The following TTC3 variants were observed in gnomAD, a reference collection of about 807,000 sequenced individuals.
TTC3 encodes tetratricopeptide repeat domain 3.
TTC3 carries 180 observed loss-of-function variants against 249.6 expected under a neutral mutation model. That is an observed-to-expected ratio of 0.72 (90% CI 0.64 to 0.82). The LOEUF is 0.82. TTC3 is among the 40% of genes least tolerant of loss of function. TTC3 has a pLI of 0.00. For missense variants in TTC3, 2,061 were observed against 2,398.4 expected, an observed-to-expected ratio of 0.86 and a Z score of 2.94; for synonymous variants, 717 against 805.0, an observed-to-expected ratio of 0.89 and a Z score of 1.85.
intron 34 of TTC3, among the ~76,000 whole-genome samples, chr21:37,171,944 A>G (rs7283246): frequency 0.021 from 3,168 of 152,334 alleles, 103 homozygotes; most frequent in African/African-American, 0.073. Context: ...GAGGACAGTT[A>G]CCTGCAGCTG....
At chr21:37,192,177 G>A (rs964388967) in exon 41 of TTC3, 1 of 1,608,904 alleles carries the variant, frequency 6.2e-7, no homozygotes, top group Admixed American at 1.7e-5. Flanking sequence ...TTTCTAAAGT[G>A]CAGATTTCTG....
intron 10 of TTC3, among the ~76,000 whole-genome samples, chr21:37,102,996 A>G (rs2074664683): frequency 6.6e-6 from 1 of 152,156 alleles, no homozygotes; most frequent in African/African-American, 2.4e-5. Flanking sequence ...GACCATGTCT[A>G]AAAAAATAAA....
At chr21:37,154,448 G>A (rs897779264) in intron 27 of TTC3, among the ~76,000 whole-genome samples, 7 of 152,202 alleles carry the variant, frequency 4.6e-5, no homozygotes, top group Admixed American at 6.5e-5. Flanking sequence ...TTGTGATCCC[G>A]GAAAGTTATT....
chr21:37,185,946 A>G (rs560535537), intron 37 of TTC3, 172 bp downstream of exon 37: 8 of 272,044 alleles, frequency 2.9e-5, no homozygotes, highest in African/African-American at 1.3e-4. Context: ...TTATAAATAT[A>G]TTCTTTGAAT....
exon 28 of TTC3, chr21:37,156,731 C>T: frequency 6.2e-7 from 1 of 1,613,998 alleles, no homozygotes; most frequent in Non-Finnish European, 8.5e-7. Context: ...TCATGACTTT[C>T]CTCTGGAATG....
At chr21:37,176,198 T>A (rs541061441) in intron 35 of TTC3, among the ~76,000 whole-genome samples, 1 of 152,368 alleles carries the variant, frequency 6.6e-6, no homozygotes, top group Admixed American at 6.5e-5. Context: ...AGGTTCATTT[T>A]TGTTTGAGAA....
rs546266463 is a variant in TTC3 at position 37,116,005 on chromosome 21, C to A, written c.901-5812C>A. On this transcript the variant is annotated intron_variant, in intron 11 of 45. Transcript: ENST00000355666. ...TCTTAGGACTTACCATTATCTAATA[C>A]ATTATATCTACTGTTTGAGTTATAG... 1.5e-3 allele frequency among the ~76,000 whole-genome samples: 223 copies of A among 152,280 alleles called. 2 individuals are homozygous for A. Among genetic ancestry groups the A allele is most frequent in the African/African-American group, 4.9e-3 (204 of 41,556 alleles).
chr21:37,198,118 T>G, intron 44 of TTC3, 93 bp downstream of exon 44: 1 of 1,393,100 alleles, frequency 7.2e-7, no homozygotes, highest in Non-Finnish European at 9.5e-7. Flanking sequence ...TTTCTAGACC[T>G]AATTTATTTG....
At chr21:37,124,646 A>G (rs778256300) in exon 14 of TTC3, 16 of 1,612,454 alleles carry the variant, frequency 9.9e-6, no homozygotes, top group Middle Eastern at 1.9e-4. Context: ...GTTTATCAGC[A>G]CCTATATTTA....
At chr21:37,166,467 A>T in exon 33 of TTC3, 1 of 1,614,214 alleles carries the variant, frequency 6.2e-7, no homozygotes, top group South Asian at 1.1e-5. Flanking sequence ...GTAAAGTCAC[A>T]CTGCAGCACA....
At chr21:37,092,803 AT>A (rs893108171) in intron 7 of TTC3, among the ~76,000 whole-genome samples, 3 of 151,712 alleles carry the variant, frequency 2.0e-5, no homozygotes, top group Admixed American at 6.6e-5. Context: ...GTTGCAATAA[AT>A]TTTTTTTTGC....
intron 19 of TTC3, among the ~76,000 whole-genome samples, chr21:37,140,333 G>T (rs997879271): frequency 1.3e-5 from 2 of 152,176 alleles, no homozygotes; most frequent in East Asian, 1.9e-4. Flanking sequence ...TAGGTTGATT[G>T]TCTGATGTGT....
intron 35 of TTC3, among the ~76,000 whole-genome samples, chr21:37,176,507 G>A (rs938197088): frequency 2.0e-5 from 3 of 152,142 alleles, no homozygotes; most frequent in African/African-American, 7.2e-5. Flanking sequence ...TTGGACCTTT[G>A]TCTGTATTAG....
At chr21:37,152,379 G>GTTTTTTTTT (rs5843795) in intron 26 of TTC3, among the ~76,000 whole-genome samples, 1 of 139,298 alleles carries the variant, frequency 7.2e-6, no homozygotes. Context: ...GAACTAAGTT[G>GTTTTTTTTT]TTTTTTTTTT....
At chr21:37,117,419 T>G (rs1278739587) in intron 11 of TTC3, among the ~76,000 whole-genome samples, 1 of 152,174 alleles carries the variant, frequency 6.6e-6, no homozygotes, top group Non-Finnish European at 1.5e-5. Context: ...ATTCTTTTGC[T>G]TGAAACAAAA....
intron 36 of TTC3, among the ~76,000 whole-genome samples, chr21:37,183,892 G>A (rs1390575760): frequency 6.6e-6 from 1 of 152,160 alleles, no homozygotes; most frequent in African/African-American, 2.4e-5. Flanking sequence ...GCTTGGTCCA[G>A]ATTCAAGGGC....
chr21:37,166,527 G>A lies in TTC3; in HGVS notation c.4313G>A (p.Cys1438Tyr), dbSNP rs765807819. The A allele has an allele frequency of 4.3e-6, 7 of 1,614,020 alleles. No homozygotes were observed. In the African/African-American group the frequency reaches 9.3e-5, roughly 22 times the overall value. ...GAGTCTAACAGAAATGATGAGCACT[G>A]TGGAAATTCTAACAACAAATGTGAA... The change falls in exon 33 of 46, where the codon TGT (cysteine) becomes TAT (tyrosine). Residue 1438 changes from cysteine to tyrosine, a missense_variant. Transcript: ENST00000355666.
At chr21:37,182,300 A>G (rs1022722989) in intron 35 of TTC3, among the ~76,000 whole-genome samples, 10 of 152,238 alleles carry the variant, frequency 6.6e-5, no homozygotes, top group African/African-American at 2.4e-4. Context: ...AACGGTAACT[A>G]GCATTGTCTC....
At chr21:37,080,457 G>A (rs991786604) in intron 1 of TTC3, among the ~76,000 whole-genome samples, 1 of 151,240 alleles carries the variant, frequency 6.6e-6, no homozygotes, top group Non-Finnish European at 1.5e-5. Context: ...TATATATTCT[G>A]TAATTGTTAA....
Sources: allele counts gnomAD v4.1 joint callset (sites outside exome capture counted in the v4.1 genomes callset), GRCh38; gene constraint gnomAD v4.1.1; transcripts MANE v1.5; gene names NCBI Gene and HGNC (gene_info 2026-07-23, HGNC 2026-07-21).